Variants in ERCC6L2 observed in about 807,000 individuals in gnomAD.
ERCC6L2 encodes DNA excision repair protein ERCC-6-like 2.
In ERCC6L2, 77 loss-of-function variants were observed where a neutral mutation model predicts 132.0. The ratio of observed to expected loss-of-function variants is 0.58; its 90% CI spans 0.49 to 0.71. The LOEUF is 0.71. Ranked by LOEUF, ERCC6L2 falls within the 30% of genes least tolerant of loss-of-function variation. The pLI is 0.00. For synonymous variants in ERCC6L2, 583 were observed against 632.4 expected (o/e 0.92, Z 1.17); for missense variants, 1,542 against 1,837.6 (o/e 0.84, Z 2.94).
chr9:95,936,497 C>G (rs1218091993), intron 11 of ERCC6L2, among the ~76,000 whole-genome samples: 1 of 152,142 alleles, frequency 6.6e-6, no homozygotes, highest in Non-Finnish European at 1.5e-5. Flanking sequence ...TGGAAATAAT[C>G]TGTACTTAAG....
chr9:95,919,598 G>A (rs1415133067), intron 6 of ERCC6L2, among the ~76,000 whole-genome samples: 2 of 152,162 alleles, frequency 1.3e-5, no homozygotes, highest in African/African-American at 2.4e-5. Flanking sequence ...GATTGTCAAT[G>A]CTGTGGAGAA....
At position 95,945,094 on chromosome 9, in the gene ERCC6L2, G is replaced by A. The variant is rs186415052; in HGVS notation, c.1847+3545G>A. ...GAATTTCCTCGTCCTAATAAGCCTG[G>A]GAGCACTACAGGAGACTGGGGCTTA... is the stretch of plus-strand genomic sequence containing the variant. On this transcript the variant is annotated intron_variant, in intron 12 of 18. Coordinates refer to ENST00000653738, the MANE Select transcript of ERCC6L2 (RefSeq NM_020207.7). Among the ~76,000 whole-genome samples the A allele has an allele frequency of 1.6e-4, 24 of 152,252 alleles. No homozygotes were observed. In the East Asian group the frequency reaches 4.6e-3, roughly 29 times the overall value.
In ERCC6L2 at chr9:95,949,964, G is replaced by A. The variant is rs201477192; in HGVS notation, c.1848-5950G>A. On this transcript the variant is annotated intron_variant, in intron 12 of 18. Transcript: ENST00000653738. ...GGAGCTTGCAGTGAGCCGAGATGCC[G>A]AGATTGTGCCACTACACTCCAGCCT... Among the ~76,000 whole-genome samples the A allele has an allele frequency of 3.3e-5, 5 of 150,912 alleles. No individual in the cohort carries two copies. The East Asian group carries it at 7.8e-4, about 23-fold the overall frequency.
At chr9:95,880,684 T>C (rs1428758963) in intron 1 of ERCC6L2, among the ~76,000 whole-genome samples, 185 bp from the exon 2 acceptor site, 1 of 152,136 alleles carries the variant, frequency 6.6e-6, no homozygotes, top group Non-Finnish European at 1.5e-5. Flanking sequence ...CTTTATTCTG[T>C]TTATTATAGG....
downstream of ERCC6L2, among the ~76,000 whole-genome samples, chr9:96,018,903 C>G (rs775910875): frequency 2.0e-5 from 3 of 152,276 alleles, no homozygotes; most frequent in Middle Eastern, 3.4e-3. Context: ...TTTTGCTGCT[C>G]TGTCTTGTAG....
chr9:95,891,345 A>G (rs1349822768), intron 2 of ERCC6L2, among the ~76,000 whole-genome samples: 1 of 152,232 alleles, frequency 6.6e-6, no homozygotes, highest in Non-Finnish European at 1.5e-5. Context: ...GCATTCTTAT[A>G]AAAATGCAAG....
At chr9:96,021,009 CCTCAGTGTCGGGGGCT>C, downstream of ERCC6L2, 1 of 456,392 alleles carries the variant, frequency 2.2e-6, no homozygotes, top group Middle Eastern at 3.3e-4. This position sits in a 1 kb window ranked among gnomAD's most constrained non-coding sequence, Gnocchi z 4.7. Context: ...GACCAAAAGT[CCTCAGTGTCGGGGGCT>C]CGCAGCGCCG....
chr9:96,014,781 G>T lies in ERCC6L2; in HGVS notation c.*1578G>T, dbSNP rs1834142558. On this transcript the variant is annotated 3_prime_UTR_variant, in exon 19 of 19. Coordinates refer to ENST00000653738, the MANE Select transcript of ERCC6L2 (RefSeq NM_020207.7). ...GAGTTGTGTCCAGACTTACCAGATG[G>T]TATGTTTTGCCATTGAGGGGCCTTC... Among the ~76,000 whole-genome samples, 1 of 152,112 alleles carries T rather than the reference G, an allele frequency of 6.6e-6. No individual in the cohort carries two copies. The highest frequency in any genetic ancestry group is 2.1e-4 in the South Asian group (1 of 4,824).
At chr9:95,903,417 T>G (rs766351366) in intron 3 of ERCC6L2, among the ~76,000 whole-genome samples, 1 of 152,130 alleles carries the variant, frequency 6.6e-6, no homozygotes, top group Non-Finnish European at 1.5e-5. Context: ...AAAATAAATT[T>G]TCTCAAATTT....
At chr9:96,020,723 T>G (rs983932026), downstream of ERCC6L2, 5 of 452,656 alleles carry the variant, frequency 1.1e-5, no homozygotes, top group Non-Finnish European at 1.8e-5. Flanking sequence ...AAACATGCTT[T>G]GCGCTGGAGT....
chr9:95,986,366 G>A (rs1251860480), intron 17 of ERCC6L2, among the ~76,000 whole-genome samples: 1 of 152,062 alleles, frequency 6.6e-6, no homozygotes, highest in East Asian at 1.9e-4. Context: ...ACTATCTTTA[G>A]TAAATTAACT....
chr9:96,009,532 GA>G (rs1833964410), intron 18 of ERCC6L2, among the ~76,000 whole-genome samples: 1 of 152,188 alleles, frequency 6.6e-6, no homozygotes, highest in African/African-American at 2.4e-5. Flanking sequence ...TTGTATCCAT[GA>G]TACATAACTG....
intron 17 of ERCC6L2, among the ~76,000 whole-genome samples, chr9:95,994,467 T>C (rs1833406888): frequency 6.6e-6 from 1 of 152,218 alleles, no homozygotes; most frequent in Admixed American, 6.5e-5. Flanking sequence ...TGCACTGCTC[T>C]TTGTTCTGTT....
rs537070022 is a variant in ERCC6L2 at position 95,891,890 on chromosome 9, T to A, written c.472-5959T>A. 8.5e-5 allele frequency among the ~76,000 whole-genome samples: 13 copies of A among 152,304 alleles called. No individual in the cohort carries two copies. In the South Asian group the frequency reaches 1.7e-3, roughly 19 times the overall value. ...TTAAGTCTTTTGCCTGTTTTTTAAT[T>A]TCATTGTCTTTATTGTTGAGTTGTA... On this transcript the variant is annotated intron_variant, in intron 2 of 18. Transcript: ENST00000653738.
chr9:95,936,477 C>T (rs1258054117), intron 11 of ERCC6L2, among the ~76,000 whole-genome samples: 1 of 152,144 alleles, frequency 6.6e-6, no homozygotes, highest in Non-Finnish European at 1.5e-5. Flanking sequence ...TTGTGATCAA[C>T]ATGTGATGGT....
rs185740878 is a variant in ERCC6L2 at position 95,972,606 on chromosome 9, G to A, written c.2855G>A (p.Arg952Lys). The change falls in exon 16 of 19, where the codon AGA (arginine) becomes AAA (lysine). Residue 952 changes from arginine (R) to lysine (K), a missense_variant. By Grantham distance (26) the Arg-to-Lys change is conservative. Coordinates refer to ENST00000653738, the MANE Select transcript of ERCC6L2 (RefSeq NM_020207.7). ...AATAGTCGAAACACTGATGACAAAA[G>A]AAATGGAATAATTTCAAAAAAGTTA... is the stretch of plus-strand genomic sequence containing the variant. ...NDNSRNTDDKRNGIISKKLSP... is the reference protein window; with the variant it reads ...NDNSRNTDDKKNGIISKKLSP... The A allele has an allele frequency of 1.1e-3, 1,436 of 1,289,522 alleles. 1 individual carries two copies. The highest frequency in any genetic ancestry group is 2.1e-3 in the Admixed American group (89 of 43,320). The allele number at this position is 1,289,522 out of a possible 1,614,324, so 79.9% of individuals were successfully genotyped here. A position where few individuals can be genotyped will look rare whatever the true frequency, so the allele number is the denominator to read the frequency against.
chr9:95,902,230 A>C (rs1477512985), intron 3 of ERCC6L2, among the ~76,000 whole-genome samples: 1 of 152,160 alleles, frequency 6.6e-6, no homozygotes, highest in Non-Finnish European at 1.5e-5. Context: ...CATTTTAAAC[A>C]TTGATTTTTG....
intron 3 of ERCC6L2, among the ~76,000 whole-genome samples, chr9:95,903,640 A>C: frequency 6.8e-6 from 1 of 146,214 alleles, no homozygotes; most frequent in Admixed American, 6.9e-5. Flanking sequence ...CTTAGAAAAT[A>C]GAAGGTGTTC....
chr9:95,901,399 T>C (rs1030617019), intron 3 of ERCC6L2, among the ~76,000 whole-genome samples: 1 of 152,226 alleles, frequency 6.6e-6, no homozygotes, highest in African/African-American at 2.4e-5. Context: ...TACAGTGCTT[T>C]ATGCAGGGAA....
Sources: gnomAD v4.1 joint callset for allele counts (sites outside exome capture counted in the v4.1 genomes callset) on GRCh38, gnomAD v4.1.1 for gene constraint, Gnocchi (gnomAD v3.1) non-coding constraint, MANE v1.5 for transcripts, NCBI Gene and HGNC (gene_info 2026-07-23, HGNC 2026-07-21) for gene names.